The following TENM2 variants were observed in gnomAD, a reference collection of about 807,000 sequenced individuals.
TENM2 encodes teneurin-2.
A neutral mutation model predicts 245.2 loss-of-function variants in TENM2; 52 were observed. That is an observed-to-expected ratio of 0.21 (90% CI 0.17 to 0.27). The LOEUF (loss-of-function observed/expected upper bound fraction) is 0.27, where lower values mean the gene tolerates loss of function less well. TENM2 is among the 10% of genes least tolerant of loss of function. The pLI, the probability that TENM2 is intolerant of heterozygous loss-of-function variation, is 1.00. For missense variants in TENM2, 3,046 were observed against 3,666.8 expected (o/e 0.83, Z 4.37); for synonymous variants, 1,363 against 1,438.9 (o/e 0.95, Z 1.19).
chr5:167,617,532 T>A (rs1171822081), intron 2 of TENM2, among the ~76,000 whole-genome samples: 1 of 152,202 alleles, frequency 6.6e-6, no homozygotes, highest in Non-Finnish European at 1.5e-5. Flanking sequence ...CTCTATTTGA[T>A]CTACATTAAA....
chr5:167,373,824 G>A (rs1229608332), intron 1 of TENM2, among the ~76,000 whole-genome samples: 2 of 152,084 alleles, frequency 1.3e-5, no homozygotes, highest in African/African-American at 4.8e-5. Flanking sequence ...CTAAAATGCT[G>A]GGCTATGATG....
At chr5:168,188,812 C>A (rs965828079) in intron 13 of TENM2, among the ~76,000 whole-genome samples, 1 of 152,194 alleles carries the variant, frequency 6.6e-6, no homozygotes, top group East Asian at 1.9e-4. Context: ...TGGGGTGGGC[C>A]GTTTATTCTT....
At chr5:167,332,894 G>T (rs1032603097) in intron 1 of TENM2, among the ~76,000 whole-genome samples, 1 of 152,116 alleles carries the variant, frequency 6.6e-6, no homozygotes, top group African/African-American at 2.4e-5. Context: ...GAAGATACTG[G>T]CTATAGAGGT....
chr5:168,025,858 A>G (rs1169686714), intron 5 of TENM2, among the ~76,000 whole-genome samples: 1 of 152,214 alleles, frequency 6.6e-6, no homozygotes, highest in East Asian at 1.9e-4. Context: ...GCTAGCAATA[A>G]AGGCTTCATT....
chr5:167,244,871 T>A, the TENM2 span, among the ~76,000 whole-genome samples: 1 of 152,006 alleles, frequency 6.6e-6, no homozygotes, highest in East Asian at 1.9e-4. Flanking sequence ...GGACAGCCTG[T>A]GGTATTTTCA....
At chr5:167,327,201 G>A (rs1895267) in intron 1 of TENM2, among the ~76,000 whole-genome samples, 83,742 of 151,752 alleles carry the variant, frequency 0.55, 23,357 homozygotes, top group Admixed American at 0.62. Context: ...ACAGGCCCCG[G>A]TGTGTGATGT....
chr5:167,565,594 A>T (rs2127649510), intron 2 of TENM2, among the ~76,000 whole-genome samples: 1 of 152,350 alleles, frequency 6.6e-6, no homozygotes, highest in Non-Finnish European at 1.5e-5. Context: ...TGCACAAAGA[A>T]ATGATAGGGC....
intron 1 of TENM2, among the ~76,000 whole-genome samples, chr5:167,363,680 G>A (rs1255369859): frequency 5.4e-5 from 7 of 128,458 alleles, no homozygotes; most frequent in Admixed American, 2.1e-4. Flanking sequence ...GCAGTGAGAC[G>A]AGATTGGGCC....
At chr5:167,406,683 A>G (rs1762654461) in intron 2 of TENM2, among the ~76,000 whole-genome samples, 1 of 152,160 alleles carries the variant, frequency 6.6e-6, no homozygotes, top group South Asian at 2.1e-4. Flanking sequence ...AGAATCTCTT[A>G]TCTAAGATTG....
intron 2 of TENM2, among the ~76,000 whole-genome samples, chr5:167,794,792 C>T (rs997321329): frequency 1.1e-4 from 16 of 152,132 alleles, no homozygotes; most frequent in African/African-American, 2.7e-4. Context: ...ACTTAAAGCA[C>T]GTTACTAATG....
At chr5:167,875,416 G>A (rs1055574109) in intron 2 of TENM2, among the ~76,000 whole-genome samples, 4 of 152,194 alleles carry the variant, frequency 2.6e-5, no homozygotes, top group Middle Eastern at 3.2e-3. Flanking sequence ...GTGTTACTAT[G>A]AGAGTGAGGT....
At chr5:167,301,380 G>T (rs1199901781) in intron 1 of TENM2, among the ~76,000 whole-genome samples, 1 of 152,206 alleles carries the variant, frequency 6.6e-6, no homozygotes, top group African/African-American at 2.4e-5. Context: ...AGTTCTGGAG[G>T]AATGCCTGGC....
At chr5:167,870,569 A>ATATATATGTGTG (rs372917707) in intron 2 of TENM2, among the ~76,000 whole-genome samples, 20 of 142,446 alleles carry the variant, frequency 1.4e-4, no homozygotes, top group Non-Finnish European at 2.7e-4. Flanking sequence ...ATATATATAT[A>ATATATATGTGTG]TGTGTGTGTA....
chr5:167,042,277 C>T, the TENM2 span, among the ~76,000 whole-genome samples: 15 of 152,144 alleles, frequency 9.9e-5, no homozygotes, highest in African/African-American at 3.4e-4. Context: ...TTGCTCACCA[C>T]GTTATTTAAG....
At chr5:167,969,405 G>T (rs1309891284) in intron 4 of TENM2, among the ~76,000 whole-genome samples, 2 of 152,160 alleles carry the variant, frequency 1.3e-5, no homozygotes, top group Admixed American at 6.5e-5. Flanking sequence ...CTTCTGCCAT[G>T]ACTGTGAGGC....
intron 2 of TENM2, among the ~76,000 whole-genome samples, chr5:167,778,111 C>T (rs1763937310): frequency 6.6e-6 from 1 of 152,114 alleles, no homozygotes. Flanking sequence ...TGTGCTGGCC[C>T]CTGCTGCAAG....
At chr5:167,589,572 A>G (rs2248716) in intron 2 of TENM2, among the ~76,000 whole-genome samples, 37,722 of 152,010 alleles carry the variant, frequency 0.25, 5,306 homozygotes, top group African/African-American at 0.38. Flanking sequence ...ATATATTTTA[A>G]ACTATAAAAG....
the TENM2 span, among the ~76,000 whole-genome samples, chr5:167,235,943 C>T: frequency 6.6e-6 from 1 of 152,114 alleles, no homozygotes; most frequent in Non-Finnish European, 1.5e-5. Flanking sequence ...ATTGAGTTTG[C>T]TTTTATTGCA....
intron 23 of TENM2, among the ~76,000 whole-genome samples, chr5:168,223,923 G>GA (rs10691179): frequency 4.5e-4 from 67 of 150,286 alleles, no homozygotes; most frequent in South Asian, 1.3e-3. Context: ...ACCCCTCCCT[G>GA]AAAAAAAAAG....
Sources: gnomAD v4.1 joint callset for allele counts (sites outside exome capture counted in the v4.1 genomes callset) on GRCh38, gnomAD v4.1.1 for gene constraint, MANE v1.5 for transcripts, NCBI Gene and HGNC (gene_info 2026-07-23, HGNC 2026-07-21) for gene names.